Variants in LRP1B observed in about 807,000 individuals in gnomAD.
LRP1B encodes the protein low-density lipoprotein receptor-related protein 1B.
LRP1B carries 217 observed loss-of-function variants against 556.6 expected under a neutral mutation model. That is an observed-to-expected ratio of 0.39 (90% CI 0.35 to 0.44). The LOEUF (loss-of-function observed/expected upper bound fraction) is 0.44, where lower values mean the gene tolerates loss of function less well. Ranked by LOEUF, LRP1B falls within the 20% of genes least tolerant of loss-of-function variation. The pLI is 1.00. For missense variants in LRP1B, 5,053 were observed against 5,620.8 expected, an observed-to-expected ratio of 0.90 and a Z score of 3.23; for synonymous variants, 2,047 against 1,865.8, an observed-to-expected ratio of 1.10 and a Z score of -2.50.
intron 1 of LRP1B, among the ~76,000 whole-genome samples, chr2:141,988,339 T>C (rs1275800457): frequency 1.3e-5 from 2 of 151,834 alleles, no homozygotes; most frequent in Non-Finnish European, 2.9e-5. Flanking sequence ...GGTCCTTGGT[T>C]GTAGAATAGA....
At position 141,221,217 on chromosome 2, in the gene LRP1B, G is replaced by A. The variant is rs1010624345; in HGVS notation, c.850+7966C>T. On this transcript the variant is annotated intron_variant, in intron 6 of 90. Transcript: ENST00000389484. ...AAAGGGATGGAGGAAAATTTATCAA[G>A]CAAATGGAAAGCAGAAAAAAGCAAG... Among the ~76,000 whole-genome samples, 4 of 148,274 alleles carry A rather than the reference G, an allele frequency of 2.7e-5. No homozygotes were observed. In the East Asian group the frequency reaches 6.2e-4, roughly 23 times the overall value.
intron 2 of LRP1B, among the ~76,000 whole-genome samples, chr2:141,723,128 C>A (rs1328060238): frequency 7.2e-5 from 11 of 151,794 alleles, no homozygotes; most frequent in African/African-American, 2.4e-4. Context: ...TTTTCAAAAT[C>A]GTTGTTGACC....
Position 140,775,293 on chromosome 2 carries a change from A to G in LRP1B, c.5500+805T>C, listed in dbSNP as rs536298362. Among the ~76,000 whole-genome samples the G allele has an allele frequency of 2.5e-4, 38 of 151,980 alleles. No individual in the cohort carries two copies. The South Asian group carries it at 7.9e-3, about 32-fold the overall frequency. On this transcript the variant is annotated intron_variant, in intron 33 of 90. Transcript: ENST00000389484. Reference sequence around the variant, plus strand: ...ATAGCAATCCCCTTGGTTTTCTATTATTACCCCTGCTCTTCTCTGCTTTAG... The same window carrying G: ...ATAGCAATCCCCTTGGTTTTCTATTGTTACCCCTGCTCTTCTCTGCTTTAG...
At chr2:142,006,478 A>G (rs1051480016) in intron 1 of LRP1B, among the ~76,000 whole-genome samples, 1 of 152,188 alleles carries the variant, frequency 6.6e-6, no homozygotes, top group African/African-American at 2.4e-5. Flanking sequence ...TTTATATGCA[A>G]TTCACATCAC....
intron 37 of LRP1B, 89 bp from the exon 38 acceptor site, chr2:140,702,642 T>A: frequency 8.6e-7 from 1 of 1,158,396 alleles, no homozygotes; most frequent in Non-Finnish European, 1.3e-6. Context: ...ATAACAGCAG[T>A]AGCATTCACA....
chr2:141,654,251 T>C (rs1465533508), intron 2 of LRP1B, among the ~76,000 whole-genome samples: 1 of 152,328 alleles, frequency 6.6e-6, no homozygotes, highest in East Asian at 1.9e-4. Context: ...TGATTATGTA[T>C]TTGTATTGCA....
At chr2:140,312,571 CTA>C (rs1199285853) in intron 83 of LRP1B, among the ~76,000 whole-genome samples, 1 of 151,786 alleles carries the variant, frequency 6.6e-6, no homozygotes, top group African/African-American at 2.4e-5. Context: ...AAAATTTTCT[CTA>C]TTTTTCAATA....
At chr2:141,867,199 T>C (rs764339328) in intron 1 of LRP1B, among the ~76,000 whole-genome samples, 1 of 152,112 alleles carries the variant, frequency 6.6e-6, no homozygotes, top group Non-Finnish European at 1.5e-5. Flanking sequence ...ACCCAGTGCC[T>C]GCAATACTGA....
chr2:140,284,762 T>C (rs1683060208), intron 84 of LRP1B, among the ~76,000 whole-genome samples: 1 of 144,566 alleles, frequency 6.9e-6, no homozygotes, highest in Admixed American at 7.2e-5. Flanking sequence ...ACCAAAAATA[T>C]GAGTGAAAAG....
intron 1 of LRP1B, among the ~76,000 whole-genome samples, chr2:141,998,015 C>T (rs1015280690): frequency 5.9e-5 from 9 of 151,868 alleles, no homozygotes; most frequent in South Asian, 2.1e-4. Flanking sequence ...GCTACTGTTA[C>T]GTATTAAAGT....
At chr2:140,731,764 CAAAA>C (rs36060787) in intron 35 of LRP1B, among the ~76,000 whole-genome samples, 4 of 59,388 alleles carry the variant, frequency 6.7e-5, no homozygotes, top group Admixed American at 2.3e-4. Context: ...GAGACTCCGT[CAAAA>C]AAAAAAAAAA....
rs753131613 is a variant in LRP1B at position 141,013,633 on chromosome 2, G to T, written c.2303C>A (p.Thr768Lys). 6.2e-7 allele frequency: 1 copy of T among 1,612,316 alleles called. No homozygotes were observed. Among genetic ancestry groups the T allele is most frequent in the East Asian group, 2.2e-5 (1 of 44,694 alleles). ...NGSIFQLDLI[T>K]SEVTLLRHER... is the part of the protein sequence containing the mutation. Reference sequence around the variant, plus strand: ...ATGCCTCAGCAATGTCACCTCACTTGTTATCAAATCTAGTTGAAAAATGGA... The same window carrying T: ...ATGCCTCAGCAATGTCACCTCACTTTTTATCAAATCTAGTTGAAAAATGGA... The change falls in exon 14 of 91, where the codon ACA (threonine) becomes AAA (lysine). Residue 768 changes from threonine to lysine, a missense_variant. Transcript: ENST00000389484.
At chr2:140,605,316 G>T (rs1436754807) in intron 41 of LRP1B, among the ~76,000 whole-genome samples, 1 of 152,068 alleles carries the variant, frequency 6.6e-6, no homozygotes, top group Admixed American at 6.6e-5. Context: ...AGAAGTTCCT[G>T]CACAAAATAT....
chr2:141,139,127 A>ATC (rs1701566519), intron 7 of LRP1B, among the ~76,000 whole-genome samples: 1 of 151,906 alleles, frequency 6.6e-6, no homozygotes, highest in African/African-American at 2.4e-5. Flanking sequence ...ATGGTGCTGG[A>ATC]AAAATTAGAC....
rs1044525422 is a variant in LRP1B at position 140,922,436 on chromosome 2, T to A, written c.3319+529A>T. 1.6e-4 allele frequency among the ~76,000 whole-genome samples: 25 copies of A among 151,916 alleles called. 1 individual carries two copies. Among genetic ancestry groups the A allele is most frequent in the Non-Finnish European group, 2.9e-5 (2 of 67,934 alleles). On this transcript the variant is annotated intron_variant, in intron 21 of 90. Coordinates refer to ENST00000389484, the MANE Select transcript of LRP1B (RefSeq NM_018557.3). ...ATGGCAGTCAGCATCCTCCTCATAA[T>A]AGAAATAAGCAATAGTACAGTAACA... is the stretch of plus-strand genomic sequence containing the variant.
At chr2:141,297,714 CA>C (rs1686234469) in intron 3 of LRP1B, among the ~76,000 whole-genome samples, 1 of 152,110 alleles carries the variant, frequency 6.6e-6, no homozygotes. Context: ...TTGTACATTG[CA>C]AAACAATGTT....
At chr2:140,536,421 AT>A in intron 46 of LRP1B, among the ~76,000 whole-genome samples, 159 bp downstream of exon 46, 1 of 150,840 alleles carries the variant, frequency 6.6e-6, no homozygotes, top group Non-Finnish European at 1.5e-5. Flanking sequence ...AAAGTACCTC[AT>A]TTTAACACAA....
At chr2:141,617,433 G>A (rs548539567) in intron 2 of LRP1B, among the ~76,000 whole-genome samples, 1 of 152,274 alleles carries the variant, frequency 6.6e-6, no homozygotes, top group East Asian at 1.9e-4. Context: ...AGGTATCATT[G>A]GCTGGACTGC....
chr2:141,049,207 A>G lies in LRP1B; in HGVS notation c.1568T>C (p.Leu523Ser). The change falls in exon 11 of 91, where the codon TTG (leucine) becomes TCG (serine). Residue 523 changes from leucine to serine, a missense_variant. Transcript: ENST00000389484. ...GRSCKRPKNE[L>S]FLFYGKGRPG... The stretch of plus-strand genomic sequence containing the variant: ...GCGTCCTTTCCCATAAAAGAGGAAC[A>G]ACTCATTCTTTGGTCCTGCAGAGGA... 1 of 1,611,232 alleles carries G rather than the reference A, an allele frequency of 6.2e-7. No individual in the cohort carries two copies. The highest frequency in any genetic ancestry group is 2.2e-5 in the East Asian group (1 of 44,780).
Sources: allele counts gnomAD v4.1 joint callset (sites outside exome capture counted in the v4.1 genomes callset), GRCh38; gene constraint gnomAD v4.1.1; transcripts MANE v1.5; gene names NCBI Gene and HGNC (gene_info 2026-07-23, HGNC 2026-07-21).